Variants in PRMT3 observed in about 807,000 individuals in gnomAD.
PRMT3 encodes the protein protein arginine methyltransferase 3.
Under a neutral mutation model 71.9 loss-of-function variants are expected in PRMT3, and 62 were observed. The ratio of observed to expected loss-of-function variants is 0.86; its 90% CI spans 0.70 to 1.07. The LOEUF is 1.07. Among genes scored for constraint, PRMT3 ranks in the 50% least tolerant of loss-of-function variants. The pLI, the probability that PRMT3 is intolerant of heterozygous loss-of-function variation, is 0.00. For missense variants in PRMT3, 663 were observed against 643.0 expected (o/e 1.03, Z -0.34); for synonymous variants, 213 against 220.4 (o/e 0.97, Z 0.30).
intron 9 of PRMT3, among the ~76,000 whole-genome samples, chr11:20,409,711 G>T (rs1849154590): frequency 6.9e-6 from 1 of 144,684 alleles, no homozygotes; most frequent in Non-Finnish European, 1.5e-5. Context: ...TGCAATTATA[G>T]AATTACACAT....
At chr11:20,438,370 A>G (rs904625994) in intron 10 of PRMT3, among the ~76,000 whole-genome samples, 2 of 152,080 alleles carry the variant, frequency 1.3e-5, no homozygotes, top group Non-Finnish European at 2.9e-5. Context: ...GTGCAGCAGC[A>G]GCAAGTACCC....
intron 15 of PRMT3, among the ~76,000 whole-genome samples, chr11:20,505,667 A>G (rs2133710109): frequency 6.6e-6 from 1 of 152,336 alleles, no homozygotes; most frequent in Middle Eastern, 3.4e-3. Context: ...TTTAAAAAGA[A>G]GCAAATAAAA....
chr11:20,462,388 C>T (rs985072558), intron 12 of PRMT3, among the ~76,000 whole-genome samples: 11 of 152,162 alleles, frequency 7.2e-5, no homozygotes, highest in Non-Finnish European at 1.0e-4. Flanking sequence ...CTCAGTTTTA[C>T]AGTCCTTCAA....
chr11:20,424,099 G>T (rs1849488175), intron 9 of PRMT3, among the ~76,000 whole-genome samples: 2 of 151,168 alleles, frequency 1.3e-5, no homozygotes, highest in South Asian at 4.2e-4. Flanking sequence ...CAGGAGAATG[G>T]TGTAAACCCG....
intron 10 of PRMT3, among the ~76,000 whole-genome samples, chr11:20,429,510 A>G (rs1263624120): frequency 1.3e-5 from 2 of 152,202 alleles, no homozygotes; most frequent in African/African-American, 4.8e-5. Flanking sequence ...CTCTCTCTTC[A>G]TCAGGAAGGC....
chr11:20,437,958 A>G (rs1434733728), intron 10 of PRMT3, among the ~76,000 whole-genome samples: 4 of 152,054 alleles, frequency 2.6e-5, no homozygotes, highest in African/African-American at 9.7e-5. Context: ...CATTTTTCCT[A>G]CAATAGGAAG....
chr11:20,481,448 AT>A (rs1330517766), intron 13 of PRMT3, among the ~76,000 whole-genome samples: 1 of 152,042 alleles, frequency 6.6e-6, no homozygotes, highest in Non-Finnish European at 1.5e-5. Context: ...AAAAGTGTGT[AT>A]TTTTAATACA....
intron 9 of PRMT3, among the ~76,000 whole-genome samples, chr11:20,423,380 T>C (rs1385489143): frequency 6.6e-6 from 1 of 152,168 alleles, no homozygotes. Context: ...TGTACAGGAG[T>C]TGGTAAACCT....
At chr11:20,488,858 T>A (rs1189902965) in intron 13 of PRMT3, among the ~76,000 whole-genome samples, 2 of 152,178 alleles carry the variant, frequency 1.3e-5, no homozygotes, top group Non-Finnish European at 2.9e-5. Flanking sequence ...CATTTACCTT[T>A]ATACATATAA....
chr11:20,500,880 C>A (rs569456436), intron 15 of PRMT3, among the ~76,000 whole-genome samples: 3 of 152,132 alleles, frequency 2.0e-5, no homozygotes, highest in Non-Finnish European at 4.4e-5. Context: ...TAGTTTTAAA[C>A]TTCTCACTGG....
chr11:20,424,090 A>T (rs1384981927), intron 9 of PRMT3, among the ~76,000 whole-genome samples: 1 of 151,330 alleles, frequency 6.6e-6, no homozygotes, highest in African/African-American at 2.4e-5. Context: ...AGGCTGAGGC[A>T]GGAGAATGGT....
intron 13 of PRMT3, among the ~76,000 whole-genome samples, chr11:20,468,950 CTTTATAT>C (rs1850578871): frequency 6.6e-6 from 1 of 152,126 alleles, no homozygotes; most frequent in African/African-American, 2.4e-5. Context: ...CATTAACAGA[CTTTATAT>C]TTTAGGAATT....
At chr11:20,434,957 A>G (rs1849730296) in intron 10 of PRMT3, among the ~76,000 whole-genome samples, 1 of 152,170 alleles carries the variant, frequency 6.6e-6, no homozygotes, top group Non-Finnish European at 1.5e-5. Context: ...CATTGAATCT[A>G]TACATTGCTT....
At chr11:20,469,483 C>T (rs1267342828) in intron 13 of PRMT3, among the ~76,000 whole-genome samples, 1 of 152,046 alleles carries the variant, frequency 6.6e-6, no homozygotes, top group East Asian at 1.9e-4. Context: ...GAGTTGTTTA[C>T]CTTAAAAATG....
At chr11:20,490,944 T>C (rs7926847) in intron 13 of PRMT3, among the ~76,000 whole-genome samples, 11,332 of 152,232 alleles carry the variant, frequency 0.074, 534 homozygotes, top group East Asian at 0.2. Context: ...ATATAGAATT[T>C]TAAAACTTTT....
intron 9 of PRMT3, among the ~76,000 whole-genome samples, chr11:20,423,015 T>A (rs1214687067): frequency 6.6e-6 from 1 of 152,178 alleles, no homozygotes; most frequent in African/African-American, 2.4e-5. Context: ...AAGCAGCTGC[T>A]TTTAATATCC....
chr11:20,507,407 G>C (rs1196533832), intron 15 of PRMT3, among the ~76,000 whole-genome samples: 1 of 152,162 alleles, frequency 6.6e-6, no homozygotes, highest in Non-Finnish European at 1.5e-5. Context: ...GACCCTTTAT[G>C]ACCACAATAG....
intron 13 of PRMT3, among the ~76,000 whole-genome samples, chr11:20,483,882 G>A (rs1405394757): frequency 2.0e-5 from 3 of 152,170 alleles, no homozygotes; most frequent in African/African-American, 4.8e-5. Flanking sequence ...TATTGTATTA[G>A]TGGGAAGTAA....
At chr11:20,503,630 A>ATTT (rs369672175) in intron 15 of PRMT3, among the ~76,000 whole-genome samples, 24 of 145,214 alleles carry the variant, frequency 1.7e-4, no homozygotes, top group African/African-American at 6.0e-4. Flanking sequence ...CTTTCTTGGC[A>ATTT]TTTTTTTTTT....
Sources: gnomAD v4.1 joint callset for allele counts (sites outside exome capture counted in the v4.1 genomes callset) on GRCh38, gnomAD v4.1.1 for gene constraint, MANE v1.5 for transcripts, NCBI Gene and HGNC (gene_info 2026-07-23, HGNC 2026-07-21) for gene names.